NELL2: variants seen among roughly 807,000 people sequenced by gnomAD.
The protein encoded by NELL2 is neural EGFL like 2, also known as protein kinase C-binding protein NELL2.
Under a neutral mutation model 109.6 loss-of-function variants are expected in NELL2, and 41 were observed. The observed-to-expected ratio is 0.37, with a 90% CI of 0.29 to 0.49. The LOEUF is 0.49. NELL2 is among the 20% of genes least tolerant of loss of function. The pLI, the probability that NELL2 is intolerant of heterozygous loss-of-function variation, is 0.98. For missense variants in NELL2, 900 were observed against 1,008.3 expected, an observed-to-expected ratio of 0.89 and a Z score of 1.45; for synonymous variants, 355 against 344.7, an observed-to-expected ratio of 1.03 and a Z score of -0.33.
chr12:44,751,956 T>TAAA (rs777614248), intron 9 of NELL2, among the ~76,000 whole-genome samples: 1 of 142,676 alleles, frequency 7.0e-6, no homozygotes, highest in Admixed American at 7.1e-5. Context: ...GCTTATGAGC[T>TAAA]AAAAAAAAAA....
intron 16 of NELL2, among the ~76,000 whole-genome samples, chr12:44,526,436 G>A (rs1018091521): frequency 2.0e-5 from 3 of 152,094 alleles, no homozygotes; most frequent in East Asian, 1.9e-4. Flanking sequence ...ACATAATACT[G>A]TTACATAACT....
Position 44,875,331 on chromosome 12 carries a change from A to G in NELL2, c.78T>C (p.Pro26=). 6.2e-7 allele frequency: 1 copy of G among 1,614,134 alleles called. No individual in the cohort carries two copies. The highest frequency in any genetic ancestry group is 8.5e-7 in the Non-Finnish European group (1 of 1,180,014). Residue 26 remains proline, a synonymous_variant, in exon 2 of 20, where the codon CCT becomes CCC. Transcript: ENST00000429094. ...CTGTTAAGACGTCAATCTGTAGGGA[A>G]GGGTCCACACCAAGCCCCCAAACTG... ...LGAVWGLGVD[P]SLQIDVLTEL...
intron 2 of NELL2, among the ~76,000 whole-genome samples, chr12:44,850,666 T>G (rs1255758226): frequency 6.6e-6 from 1 of 152,110 alleles, no homozygotes; most frequent in Non-Finnish European, 1.5e-5. Flanking sequence ...TAAAGTAAGT[T>G]TATGAAACTA....
At chr12:44,875,494 C>T in intron 1 of NELL2, 141 bp from the exon 2 acceptor site, 1 of 1,614,014 alleles carries the variant, frequency 6.2e-7, no homozygotes, top group Non-Finnish European at 8.5e-7. Flanking sequence ...TCCTCCTCCG[C>T]CGAGAGCCTT....
At position 44,830,139 on chromosome 12, in the gene NELL2, TA is replaced by T. The variant is rs145561147; in HGVS notation, c.185-14004del. ...ATTCATACATATTAATTAGAAGGAT[TA>T]AAAAATAATGACATATAAAATATTT... is the stretch of plus-strand genomic sequence containing the variant. On this transcript the variant is annotated intron_variant, in intron 2 of 19. Transcript: ENST00000429094. Among the ~76,000 whole-genome samples, 1,162 of 152,298 alleles carry T rather than the reference TA, an allele frequency of 7.6e-3. 14 individuals are homozygous for T. The highest frequency in any genetic ancestry group is 0.026 in the African/African-American group (1,087 of 41,554).
At chr12:44,518,001 T>G (rs1462874938) in intron 19 of NELL2, among the ~76,000 whole-genome samples, 3 of 152,106 alleles carry the variant, frequency 2.0e-5, no homozygotes, top group Non-Finnish European at 2.9e-5. Context: ...TAACACAAAA[T>G]AAATGTAATA....
chr12:44,766,215 T>C lies in NELL2; in HGVS notation c.994+8532A>G, dbSNP rs11182657. On this transcript the variant is annotated intron_variant, in intron 9 of 19. Coordinates refer to ENST00000429094, the MANE Select transcript of NELL2 (RefSeq NM_001145108.2). ...CCTATATCATTGTTTTCTTTAATTC[T>C]TAATCTATAATAACTTTATACCATT... Among the ~76,000 whole-genome samples, 301 of 152,336 alleles carry C rather than the reference T, an allele frequency of 2.0e-3. 5 individuals are homozygous for C. In the East Asian group the frequency reaches 0.035, roughly 18 times the overall value.
chr12:44,590,829 A>C (rs1944716823), intron 15 of NELL2, among the ~76,000 whole-genome samples: 1 of 152,122 alleles, frequency 6.6e-6, no homozygotes, highest in Non-Finnish European at 1.5e-5. Flanking sequence ...GGGAGTGAAG[A>C]GACCACCTGC....
intron 1 of NELL2, among the ~76,000 whole-genome samples, chr12:44,898,221 A>T (rs1289621773): frequency 6.6e-6 from 1 of 151,686 alleles, no homozygotes; most frequent in Non-Finnish European, 1.5e-5. Flanking sequence ...GGCTCTGAAG[A>T]GAGCAGCAGA....
At chr12:44,590,676 A>C (rs12423103) in intron 15 of NELL2, among the ~76,000 whole-genome samples, 43,142 of 151,992 alleles carry the variant, frequency 0.28, 6,334 homozygotes, top group Middle Eastern at 0.43. Flanking sequence ...CACAGAAGAA[A>C]ACATAGGTGA....
chr12:44,612,375 A>T (rs1210157070), intron 13 of NELL2, among the ~76,000 whole-genome samples: 1 of 152,000 alleles, frequency 6.6e-6, no homozygotes, highest in Non-Finnish European at 1.5e-5. Context: ...AATCCTTTAG[A>T]GGAAAGAAAG....
chr12:44,785,873 T>C (rs1215568152), intron 3 of NELL2, among the ~76,000 whole-genome samples: 1 of 152,048 alleles, frequency 6.6e-6, no homozygotes, highest in Non-Finnish European at 1.5e-5. Context: ...TATGCAAAAA[T>C]TAACTCACAA....
At position 44,584,903 on chromosome 12, in the gene NELL2, C is replaced by T. The variant is rs1193187214; in HGVS notation, c.1663+22266G>A. On this transcript the variant is annotated intron_variant, in intron 15 of 19. Transcript: ENST00000429094. ...GGAGTTAGTCATCACAGTGCTATTGCTTGTGGAGCAAAATGAGTTCCATGA... is the reference window on the plus strand; with the variant it reads ...GGAGTTAGTCATCACAGTGCTATTGTTTGTGGAGCAAAATGAGTTCCATGA... Among the ~76,000 whole-genome samples, 18 of 152,210 alleles carry T rather than the reference C, an allele frequency of 1.2e-4. 1 individual carries two copies. Among genetic ancestry groups the T allele is most frequent in the Non-Finnish European group, 1.5e-5 (1 of 68,042 alleles).
intron 14 of NELL2, 30 bp from the exon 15 acceptor site, chr12:44,607,294 A>G (rs771991160): frequency 6.3e-7 from 1 of 1,583,112 alleles, no homozygotes. Context: ...TGATTTTAGC[A>G]CTTTAGAAGT....
intron 19 of NELL2, 128 bp downstream of exon 19, chr12:44,519,877 C>T: frequency 2.5e-6 from 2 of 795,290 alleles, no homozygotes; most frequent in Non-Finnish European, 4.1e-6. Flanking sequence ...ATTCCGCCCA[C>T]CTATGTTTGA....
chr12:44,509,720 G>A (rs935094813), intron 19 of NELL2, among the ~76,000 whole-genome samples: 13 of 152,108 alleles, frequency 8.5e-5, no homozygotes, highest in African/African-American at 1.7e-4. Flanking sequence ...ATGAATTGTC[G>A]TTGTTTAAGC....
intron 3 of NELL2, among the ~76,000 whole-genome samples, chr12:44,786,818 T>C (rs555063831): frequency 1.3e-5 from 2 of 151,618 alleles, no homozygotes; most frequent in East Asian, 1.9e-4. Flanking sequence ...TAAGTGGGAG[T>C]TGAACAATGA....
At chr12:44,554,008 A>C (rs1943144243) in intron 15 of NELL2, among the ~76,000 whole-genome samples, 1 of 152,168 alleles carries the variant, frequency 6.6e-6, no homozygotes, top group East Asian at 1.9e-4. Flanking sequence ...TACTAGCAAA[A>C]CAGGACAGAC....
chr12:44,711,297 C>T lies in NELL2; in HGVS notation c.1184G>A (p.Cys395Tyr). Residue 395 changes from cysteine to tyrosine, a missense_variant, in exon 11 of 20, where the codon TGT (cysteine) becomes TAT (tyrosine). Cys to Tyr is a radical substitution (Grantham distance 194). This residue lies in a region of NELL2 where 292 missense variants were observed against 265.3 expected (regional missense o/e 1.10). Coordinates refer to ENST00000429094, the MANE Select transcript of NELL2 (RefSeq NM_001145108.2). ...ITLSHSCCKV[C>Y]KGYDFCSERH... is the part of the protein sequence containing the mutation. ...ACTTTTCAAAAAAGTCTTACCTTTACAAACTTTGCAACAGCTGTGAGACAA... is the reference window on the plus strand; with the variant it reads ...ACTTTTCAAAAAAGTCTTACCTTTATAAACTTTGCAACAGCTGTGAGACAA... The T allele has an allele frequency of 6.2e-7, 1 of 1,611,650 alleles. No individual in the cohort carries two copies. The highest frequency in any genetic ancestry group is 8.5e-7 in the Non-Finnish European group (1 of 1,178,154).
Sources: gnomAD v4.1 joint callset for allele counts (sites outside exome capture counted in the v4.1 genomes callset) on GRCh38, gnomAD v4.1.1 for gene constraint, gnomAD v4.1.1 regional missense constraint, MANE v1.5 for transcripts, NCBI Gene and HGNC (gene_info 2026-07-23, HGNC 2026-07-21) for gene names.